SIL1: variants seen among roughly 807,000 people sequenced by gnomAD.
SIL1 encodes the protein nucleotide exchange factor SIL1.
In SIL1, 40 loss-of-function variants were observed where a neutral mutation model predicts 49.1. That is an observed-to-expected ratio of 0.81 (90% CI 0.63 to 1.06). The LOEUF is 1.06. SIL1 is among the 50% of genes least tolerant of loss of function. The probability of loss-of-function intolerance (pLI) is 0.00; values close to 1 mark genes in which losing one functional copy is unlikely to be tolerated. For missense variants in SIL1, 500 were observed against 572.6 expected, an observed-to-expected ratio of 0.87 and a Z score of 1.29; for synonymous variants, 253 against 250.8, an observed-to-expected ratio of 1.01 and a Z score of -0.08.
intron 3 of SIL1, among the ~76,000 whole-genome samples, chr5:139,062,229 CA>C (rs1229937862): frequency 6.6e-6 from 1 of 151,898 alleles, no homozygotes; most frequent in Non-Finnish European, 1.5e-5. Context: ...TTAAGGGAAC[CA>C]AAAATGGAGA....
At chr5:139,121,873 G>C (rs1047636393) in intron 2 of SIL1, among the ~76,000 whole-genome samples, 2 of 152,204 alleles carry the variant, frequency 1.3e-5, no homozygotes, top group African/African-American at 4.8e-5. Context: ...TGTCTCTGGA[G>C]CATTCTCAGC....
At chr5:139,162,859 A>G (rs1260955479) in intron 1 of SIL1, among the ~76,000 whole-genome samples, 2 of 152,076 alleles carry the variant, frequency 1.3e-5, no homozygotes, top group Non-Finnish European at 2.9e-5. Context: ...GAAAAGCAAG[A>G]AAAATATCAA....
intron 7 of SIL1, among the ~76,000 whole-genome samples, chr5:138,999,973 T>C (rs776244584): frequency 6.6e-5 from 10 of 152,242 alleles, no homozygotes; most frequent in South Asian, 2.1e-4. Context: ...TCTTGCCTAA[T>C]TGCTCTGGCC....
intron 3 of SIL1, among the ~76,000 whole-genome samples, chr5:139,117,127 C>T (rs1309209748): frequency 1.3e-5 from 2 of 152,244 alleles, no homozygotes; most frequent in African/African-American, 4.8e-5. Context: ...AATACTTCCA[C>T]CAAGACATCC....
intron 7 of SIL1, among the ~76,000 whole-genome samples, chr5:138,980,058 C>G (rs904057826): frequency 1.3e-5 from 2 of 152,200 alleles, no homozygotes; most frequent in African/African-American, 4.8e-5. Flanking sequence ...AGCAACACCC[C>G]CAAAGGGGGC....
At chr5:139,139,650 G>A (rs1751042254) in intron 1 of SIL1, among the ~76,000 whole-genome samples, 1 of 152,322 alleles carries the variant, frequency 6.6e-6, no homozygotes, top group East Asian at 1.9e-4. Flanking sequence ...ACATTCAGTG[G>A]ATAATGTGGC....
chr5:139,126,647 C>T (rs1247763712), intron 2 of SIL1, among the ~76,000 whole-genome samples: 2 of 152,200 alleles, frequency 1.3e-5, no homozygotes, highest in African/African-American at 4.8e-5. Flanking sequence ...AACAGGATCT[C>T]AGAGGGCATT....
chr5:139,150,013 C>T (rs931516379), intron 1 of SIL1, among the ~76,000 whole-genome samples: 3 of 152,224 alleles, frequency 2.0e-5, no homozygotes, highest in Non-Finnish European at 2.9e-5. Flanking sequence ...TTGCATAACA[C>T]AGTCACCACA....
rs1269138519 is a variant in SIL1 at position 138,947,140 on chromosome 5, T to A, written c.1363A>T (p.Ser455Cys). The change falls in exon 10 of 10, where the codon AGC becomes TGC. Residue 455 changes from serine (S) to cysteine (C), a missense_variant. By Grantham distance (112) the Ser-to-Cys change is moderately radical. Transcript: ENST00000394817. The surrounding 1 kb of genome is among the most constrained non-coding windows in gnomAD (Gnocchi z 4.1). ...YFQELLGSVN[S>C]LLKELR ...CCTCATCTCAGCTCCTTCAGCAAGC[T>A]GTTGACAGAGCCCAGCAGCTCCTGG... is the stretch of plus-strand genomic sequence containing the variant. 1 of 1,613,582 alleles carries A rather than the reference T, an allele frequency of 6.2e-7. No homozygotes were observed. Among genetic ancestry groups the A allele is most frequent in the East Asian group, 2.2e-5 (1 of 44,856 alleles).
At chr5:138,974,526 A>AAGCC (rs1364037690) in intron 7 of SIL1, among the ~76,000 whole-genome samples, 1 of 152,236 alleles carries the variant, frequency 6.6e-6, no homozygotes, top group African/African-American at 2.4e-5. Context: ...CTGATTTGGG[A>AAGCC]AGCCAGCCAG....
chr5:139,051,081 C>G, intron 3 of SIL1, 35 bp from the exon 4 acceptor site: 4 of 1,603,830 alleles, frequency 2.5e-6, no homozygotes, highest in Non-Finnish European at 3.4e-6. Context: ...TCATGAGGTA[C>G]AAGGTCTTTG....
At chr5:139,057,329 GA>G (rs953514942) in intron 3 of SIL1, among the ~76,000 whole-genome samples, 3 of 99,984 alleles carry the variant, frequency 3.0e-5, no homozygotes, top group African/African-American at 8.5e-5. Flanking sequence ...AAAAAAAAAA[GA>G]AAAGAAAAGA....
At chr5:139,149,250 A>C (rs1048540752) in intron 1 of SIL1, among the ~76,000 whole-genome samples, 1 of 152,208 alleles carries the variant, frequency 6.6e-6, no homozygotes, top group South Asian at 2.1e-4. Flanking sequence ...CTGGAAAAAT[A>C]TATTTTTGCA....
chr5:139,106,633 A>T (rs66839813), intron 3 of SIL1, among the ~76,000 whole-genome samples: 41,214 of 152,058 alleles, frequency 0.27, 6,210 homozygotes, highest in Middle Eastern at 0.38. Context: ...GAAAGACTCT[A>T]TACTTTCCAG....
chr5:138,995,676 A>G (rs763455278), intron 7 of SIL1, among the ~76,000 whole-genome samples: 11 of 152,184 alleles, frequency 7.2e-5, no homozygotes, highest in African/African-American at 2.4e-4. Flanking sequence ...ATCAAACTGT[A>G]TATTTGTAAC....
Position 139,126,867 on chromosome 5 carries a change from G to A in SIL1, c.105+872C>T, listed in dbSNP as rs1454736356. On this transcript the variant is annotated intron_variant, in intron 2 of 9. Transcript: ENST00000394817. ...GACCTCCCGCTCCAGAGCTTCCAGCGCTTTATCCAACATTTAGTGGGAGCC... is the reference window on the plus strand; with the variant it reads ...GACCTCCCGCTCCAGAGCTTCCAGCACTTTATCCAACATTTAGTGGGAGCC... Among the ~76,000 whole-genome samples, 6 of 152,286 alleles carry A rather than the reference G, an allele frequency of 3.9e-5. No individual in the cohort carries two copies. In the South Asian group the frequency reaches 1.0e-3, roughly 26 times the overall value.
At chr5:139,050,031 A>C (rs1363246355) in intron 4 of SIL1, among the ~76,000 whole-genome samples, 3 of 152,260 alleles carry the variant, frequency 2.0e-5, no homozygotes, top group South Asian at 2.1e-4. Flanking sequence ...ACAAATGAGC[A>C]TGGCTGTGTC....
intron 1 of SIL1, among the ~76,000 whole-genome samples, chr5:139,150,914 T>C (rs1005255928): frequency 6.6e-6 from 1 of 152,084 alleles, no homozygotes; most frequent in South Asian, 2.1e-4. Context: ...CACGGAGACA[T>C]ACCTACACAG....
At chr5:139,085,311 A>C (rs1770193441) in intron 3 of SIL1, among the ~76,000 whole-genome samples, 2 of 152,172 alleles carry the variant, frequency 1.3e-5, no homozygotes, top group Admixed American at 1.3e-4. Context: ...CTCACAGTTC[A>C]GGTTGAGAAG....
Sources: gnomAD v4.1 joint callset for allele counts (sites outside exome capture counted in the v4.1 genomes callset) on GRCh38, gnomAD v4.1.1 for gene constraint, Gnocchi (gnomAD v3.1) non-coding constraint, MANE v1.5 for transcripts, NCBI Gene and HGNC (gene_info 2026-07-23, HGNC 2026-07-21) for gene names.